ARID2: variants seen among roughly 807,000 people sequenced by gnomAD.
ARID2 encodes AT-rich interactive domain-containing protein 2.
Under a neutral mutation model 184.6 loss-of-function variants are expected in ARID2, and 32 were observed. The ratio of observed to expected loss-of-function variants is 0.17; its 90% CI spans 0.13 to 0.23. The LOEUF is 0.23. Among genes scored for constraint, ARID2 ranks in the 10% least tolerant of loss-of-function variants. The probability of loss-of-function intolerance (pLI) is 1.00; values close to 1 mark genes in which losing one functional copy is unlikely to be tolerated. For missense variants in ARID2, 1,696 were observed against 2,197.6 expected, an observed-to-expected ratio of 0.77 and a Z score of 4.56; for synonymous variants, 836 against 772.6, an observed-to-expected ratio of 1.08 and a Z score of -1.36.
At chr12:45,892,211 G>C in intron 18 of ARID2, 115 bp downstream of exon 18, 3 of 978,944 alleles carry the variant, frequency 3.1e-6, no homozygotes, top group Non-Finnish European at 4.5e-6. Context: ...TTCTAGTCCA[G>C]CTCTGCCATG....
At chr12:45,772,495 C>T (rs890651304) in intron 3 of ARID2, among the ~76,000 whole-genome samples, 1 of 152,072 alleles carries the variant, frequency 6.6e-6, no homozygotes, top group Non-Finnish European at 1.5e-5. Flanking sequence ...ACTCTATGCT[C>T]TCTACAGGAG....
intron 4 of ARID2, among the ~76,000 whole-genome samples, chr12:45,815,305 C>T (rs1942786271): frequency 6.6e-6 from 1 of 152,004 alleles, no homozygotes; most frequent in Admixed American, 6.6e-5. Flanking sequence ...TACTTTTTCT[C>T]CAGATATTTA....
At chr12:45,839,651 A>T in intron 11 of ARID2, 155 bp downstream of exon 11, 1 of 779,244 alleles carries the variant, frequency 1.3e-6, no homozygotes, top group Non-Finnish European at 1.9e-6. Context: ...CTTAGATATT[A>T]TACATTCCAG....
intron 11 of ARID2, chr12:45,840,184 A>T (rs1274444853): frequency 6.6e-6 from 1 of 152,074 alleles, no homozygotes; most frequent in Admixed American, 6.6e-5. Flanking sequence ...ACCTTGGTTT[A>T]TACTAAAAAT....
chr12:45,887,448 T>A (rs920506749), intron 16 of ARID2, among the ~76,000 whole-genome samples: 2 of 152,192 alleles, frequency 1.3e-5, no homozygotes, highest in Non-Finnish European at 2.9e-5. Flanking sequence ...TGTTTTTATA[T>A]ACTTAAGTGT....
chr12:45,820,060 A>G (rs957732465), intron 5 of ARID2, among the ~76,000 whole-genome samples: 8 of 151,862 alleles, frequency 5.3e-5, no homozygotes, highest in Admixed American at 1.3e-4. Flanking sequence ...GAAGTTTTTT[A>G]TAAGGATTTT....
At chr12:45,800,895 A>G (rs1284557978) in intron 3 of ARID2, among the ~76,000 whole-genome samples, 1 of 152,200 alleles carries the variant, frequency 6.6e-6, no homozygotes, top group Non-Finnish European at 1.5e-5. Context: ...GAATAACGAT[A>G]GGAATGTAAT....
intron 16 of ARID2, chr12:45,882,351 G>A (rs1195659858): frequency 6.6e-6 from 1 of 152,120 alleles, no homozygotes; most frequent in Non-Finnish European, 1.5e-5. Flanking sequence ...CTTTTGTACC[G>A]AACTGGCTAA....
intron 16 of ARID2, chr12:45,881,109 G>A (rs1004609964): frequency 6.4e-6 from 1 of 156,474 alleles, no homozygotes; most frequent in Non-Finnish European, 1.4e-5. Context: ...GGGTCATGTT[G>A]GGCCTTGCAG....
At chr12:45,862,470 C>T (rs1432927044) in intron 16 of ARID2, among the ~76,000 whole-genome samples, 5 of 151,960 alleles carry the variant, frequency 3.3e-5, no homozygotes, top group Admixed American at 3.3e-4. Flanking sequence ...CTCCATTTGT[C>T]TTGAGATTTT....
intron 3 of ARID2, among the ~76,000 whole-genome samples, chr12:45,745,613 T>A (rs1303377853): frequency 1.3e-5 from 2 of 152,202 alleles, no homozygotes; most frequent in African/African-American, 4.8e-5. Flanking sequence ...AGTGGCGCAA[T>A]CTCGGCTCAC....
At chr12:45,808,798 A>G (rs963369575) in intron 3 of ARID2, among the ~76,000 whole-genome samples, 2 of 151,700 alleles carry the variant, frequency 1.3e-5, no homozygotes, top group South Asian at 4.2e-4. Flanking sequence ...GTTTTGCCCT[A>G]TCGTCCAGGC....
chr12:45,772,490 A>G (rs1382487049), intron 3 of ARID2, among the ~76,000 whole-genome samples: 6 of 152,198 alleles, frequency 3.9e-5, no homozygotes, highest in Admixed American at 3.9e-4. Flanking sequence ...ACTCAACTCT[A>G]TGCTCTCTAC....
intron 15 of ARID2, among the ~76,000 whole-genome samples, chr12:45,854,814 C>T (rs1298683371): frequency 6.6e-6 from 1 of 152,208 alleles, no homozygotes. Context: ...AAGACGAGGA[C>T]ATGTCATAGG....
chr12:45,892,738 A>G lies in ARID2; in HGVS notation c.5147+642A>G, dbSNP rs915662678. On this transcript the variant is annotated intron_variant, in intron 18 of 20. Transcript: ENST00000334344. ...ATTGCTATCTCACCAGAGCACACAG[A>G]TAATGATGCACTATATCTGCTTGGT... Among the ~76,000 whole-genome samples, 10 of 152,248 alleles carry G rather than the reference A, an allele frequency of 6.6e-5. No individual in the cohort carries two copies. In the East Asian group the frequency reaches 1.7e-3, roughly 26 times the overall value.
At chr12:45,795,342 C>T in intron 3 of ARID2, among the ~76,000 whole-genome samples, 1 of 152,132 alleles carries the variant, frequency 6.6e-6, no homozygotes, top group Non-Finnish European at 1.5e-5. Flanking sequence ...CCACAGGAGC[C>T]TCTGGATATT....
At chr12:45,857,394 T>A (rs1274154644) in intron 15 of ARID2, among the ~76,000 whole-genome samples, 1 of 152,176 alleles carries the variant, frequency 6.6e-6, no homozygotes, top group Non-Finnish European at 1.5e-5. Context: ...GAATATCACT[T>A]TTGTTTTTCT....
At chr12:45,753,884 A>G (rs557891740) in intron 3 of ARID2, among the ~76,000 whole-genome samples, 1 of 152,276 alleles carries the variant, frequency 6.6e-6, no homozygotes, top group South Asian at 2.1e-4. Flanking sequence ...ATGAGCCCCC[A>G]TAACAACAAC....
intron 6 of ARID2, among the ~76,000 whole-genome samples, chr12:45,830,230 C>T (rs899605358): frequency 3.3e-5 from 5 of 152,010 alleles, no homozygotes; most frequent in African/African-American, 9.7e-5. Context: ...TTTCAGCAGA[C>T]CAGTTTTTGT....
Sources: allele counts gnomAD v4.1 joint callset (sites outside exome capture counted in the v4.1 genomes callset), GRCh38; gene constraint gnomAD v4.1.1; transcripts MANE v1.5; gene names NCBI Gene and HGNC (gene_info 2026-07-23, HGNC 2026-07-21).